The following LPP variants were observed in gnomAD, a reference collection of about 807,000 sequenced individuals.
LPP encodes the protein lipoma-preferred partner.
In LPP, 38 loss-of-function variants were observed where a neutral mutation model predicts 60.4. The observed-to-expected ratio is 0.63, with a 90% CI of 0.49 to 0.83. The LOEUF (loss-of-function observed/expected upper bound fraction) is 0.83, where lower values mean the gene tolerates loss of function less well. Among genes scored for constraint, LPP ranks in the 40% least tolerant of loss-of-function variants. The pLI, the probability that LPP is intolerant of heterozygous loss-of-function variation, is 0.00. For synonymous variants in LPP, 328 were observed against 290.8 expected (o/e 1.13, Z -1.30); for missense variants, 902 against 783.6 (o/e 1.15, Z -1.80).
chr3:188,510,686 C>A (rs1283420770), intron 5 of LPP, among the ~76,000 whole-genome samples: 2 of 152,214 alleles, frequency 1.3e-5, no homozygotes. Context: ...ACAGCTGACC[C>A]TTTGAGTCTG....
At chr3:188,701,770 G>T (rs571916417) in intron 7 of LPP, among the ~76,000 whole-genome samples, 167 of 150,878 alleles carry the variant, frequency 1.1e-3, no homozygotes, top group African/African-American at 3.2e-3. Flanking sequence ...TTTTGAAAGT[G>T]TCAGTGGTCT....
chr3:188,224,709 C>G (rs984369493), intron 1 of LPP, among the ~76,000 whole-genome samples: 3 of 151,952 alleles, frequency 2.0e-5, no homozygotes, highest in Admixed American at 1.3e-4. Flanking sequence ...AAAGCAGGAG[C>G]AAGAGAGGGA....
At position 188,352,462 on chromosome 3, in the gene LPP, G is replaced by A. The variant is rs189157673; in HGVS notation, c.-10+10743G>A. 3.3e-5 allele frequency among the ~76,000 whole-genome samples: 5 copies of A among 152,298 alleles called. No individual in the cohort carries two copies. The highest frequency in any genetic ancestry group is 2.1e-4 in the South Asian group (1 of 4,830). Reference sequence around the variant, plus strand: ...GATGTGGTCACGTCAGTGCCTCTTCGGGAGCTGTGTGACTGGCGAGCCCTC... The same window carrying A: ...GATGTGGTCACGTCAGTGCCTCTTCAGGAGCTGTGTGACTGGCGAGCCCTC... On this transcript the variant is annotated intron_variant, in intron 3 of 11. Transcript: ENST00000617246. This position sits in a 1 kb window ranked among gnomAD's most constrained non-coding sequence, Gnocchi z 4.4.
intron 4 of LPP, among the ~76,000 whole-genome samples, chr3:188,410,138 T>C (rs1784561749): frequency 6.6e-6 from 1 of 152,182 alleles, no homozygotes; most frequent in Non-Finnish European, 1.5e-5. Flanking sequence ...CAACAGCACC[T>C]AGCAGGATAC....
chr3:188,324,878 C>T (rs952580415), intron 2 of LPP, among the ~76,000 whole-genome samples: 28 of 152,196 alleles, frequency 1.8e-4, no homozygotes, highest in East Asian at 1.9e-4. Context: ...CTGGGTGTAA[C>T]CAACCCCATA....
chr3:188,859,581 G>A (rs1764686959), intron 9 of LPP, among the ~76,000 whole-genome samples: 1 of 152,160 alleles, frequency 6.6e-6, no homozygotes, highest in Non-Finnish European at 1.5e-5. Context: ...CTGCCAGGCT[G>A]TTGAACACTT....
At chr3:188,734,048 C>G (rs1340136390) in intron 8 of LPP, among the ~76,000 whole-genome samples, 1 of 151,772 alleles carries the variant, frequency 6.6e-6, no homozygotes, top group Non-Finnish European at 1.5e-5. Context: ...TAACGTTTGC[C>G]TTATTATTTT....
intron 2 of LPP, among the ~76,000 whole-genome samples, chr3:188,295,297 G>C (rs964369587): frequency 1.1e-4 from 17 of 152,172 alleles, no homozygotes; most frequent in African/African-American, 3.4e-4. Context: ...CATTCCCCAT[G>C]CACGGTTAGA....
intron 5 of LPP, among the ~76,000 whole-genome samples, chr3:188,486,224 C>T (rs1021161834): frequency 6.6e-6 from 1 of 152,060 alleles, no homozygotes; most frequent in Non-Finnish European, 1.5e-5. Flanking sequence ...CTATTATTTG[C>T]CTTTCTTTCT....
At chr3:188,809,822 T>C (rs922727336) in intron 9 of LPP, among the ~76,000 whole-genome samples, 11 of 152,214 alleles carry the variant, frequency 7.2e-5, no homozygotes, top group African/African-American at 2.7e-4. Flanking sequence ...GGGTTTTATA[T>C]TTAAGTATTT....
intron 9 of LPP, among the ~76,000 whole-genome samples, chr3:188,852,063 C>G (rs1402405918): frequency 6.6e-6 from 1 of 152,142 alleles, no homozygotes; most frequent in Non-Finnish European, 1.5e-5. Context: ...ACTTGGGAGG[C>G]TGAGGCATGA....
intron 1 of LPP, among the ~76,000 whole-genome samples, chr3:188,199,211 A>C (rs1230131042): frequency 2.6e-5 from 4 of 152,172 alleles, no homozygotes; most frequent in African/African-American, 9.7e-5. Context: ...AGAGGAAGGG[A>C]GAGAGGGAGA....
intron 9 of LPP, among the ~76,000 whole-genome samples, chr3:188,801,457 G>A (rs1246047267): frequency 6.6e-6 from 1 of 152,082 alleles, no homozygotes; most frequent in East Asian, 1.9e-4. Context: ...TTATTTTGGT[G>A]TTTATTTATT....
At chr3:188,348,508 C>T (rs988263376) in intron 3 of LPP, among the ~76,000 whole-genome samples, 1 of 152,214 alleles carries the variant, frequency 6.6e-6, no homozygotes, top group Non-Finnish European at 1.5e-5. Context: ...GAAATACTAT[C>T]ACCCATCTGA....
intron 2 of LPP, among the ~76,000 whole-genome samples, chr3:188,292,780 T>C (rs907760754): frequency 6.6e-6 from 1 of 152,228 alleles, no homozygotes; most frequent in Non-Finnish European, 1.5e-5. Flanking sequence ...TTGAAAAGCA[T>C]GCTTTATAAG....
chr3:188,381,915 C>A (rs1164309157), intron 3 of LPP, among the ~76,000 whole-genome samples: 1 of 151,730 alleles, frequency 6.6e-6, no homozygotes, highest in Non-Finnish European at 1.5e-5. Context: ...CAGAGTAGCT[C>A]TGACTACAGG....
chr3:188,201,474 A>G (rs1446820096), intron 1 of LPP, among the ~76,000 whole-genome samples: 1 of 152,206 alleles, frequency 6.6e-6, no homozygotes, highest in East Asian at 1.9e-4. Context: ...TGGGCGGCTA[A>G]GGCGGGCGGA....
chr3:188,304,359 G>C (rs558741656), intron 2 of LPP, among the ~76,000 whole-genome samples: 1 of 152,296 alleles, frequency 6.6e-6, no homozygotes, highest in African/African-American at 2.4e-5. Flanking sequence ...AAGCCTAAAA[G>C]GTGGGCAGGG....
At chr3:188,728,557 A>C (rs1170940195) in intron 8 of LPP, among the ~76,000 whole-genome samples, 5 of 152,152 alleles carry the variant, frequency 3.3e-5, no homozygotes, top group Non-Finnish European at 2.9e-5. Context: ...ATACCTATTC[A>C]CTTCGTTTAG....
Sources: allele counts gnomAD v4.1 joint callset (sites outside exome capture counted in the v4.1 genomes callset), GRCh38; gene constraint gnomAD v4.1.1; non-coding constraint Gnocchi (gnomAD v3.1); transcripts MANE v1.5; gene names NCBI Gene and HGNC (gene_info 2026-07-23, HGNC 2026-07-21).